Variants in CNTN5 observed in about 807,000 individuals in gnomAD.
CNTN5 encodes the protein contactin-5.
In CNTN5, 77 loss-of-function variants were observed where a neutral mutation model predicts 129.1. The ratio of observed to expected loss-of-function variants is 0.60; its 90% CI spans 0.50 to 0.72. The LOEUF (loss-of-function observed/expected upper bound fraction) is 0.72. CNTN5 is among the 30% of genes least tolerant of loss of function. The probability of loss-of-function intolerance (pLI) is 0.00; values close to 1 mark genes in which losing one functional copy is unlikely to be tolerated. For synonymous variants in CNTN5, 509 were observed against 465.6 expected, an observed-to-expected ratio of 1.09 and a Z score of -1.20; for missense variants, 1,478 against 1,328.8, an observed-to-expected ratio of 1.11 and a Z score of -1.75.
chr11:100,061,487 T>TA (rs1445878476), intron 10 of CNTN5, 94 bp downstream of exon 10: 1 of 903,118 alleles, frequency 1.1e-6, no homozygotes, highest in East Asian at 2.7e-5. Context: ...GTTAGGTACA[T>TA]AAAAACCAAG....
At chr11:100,071,610 T>G in intron 11 of CNTN5, 95 bp from the exon 12 acceptor site, 1 of 887,046 alleles carries the variant, frequency 1.1e-6, no homozygotes, top group Non-Finnish European at 1.6e-6. Context: ...CTGTATTAAT[T>G]GCAAACTTGT....
intron 3 of CNTN5, among the ~76,000 whole-genome samples, chr11:99,707,771 G>A (rs1427049391): frequency 1.3e-5 from 2 of 151,578 alleles, no homozygotes; most frequent in Non-Finnish European, 1.5e-5. Context: ...TTGTTAAAAT[G>A]TTTAGCCTTC....
intron 1 of CNTN5, among the ~76,000 whole-genome samples, chr11:99,098,105 T>C (rs1412775101): frequency 6.6e-6 from 1 of 152,106 alleles, no homozygotes; most frequent in Non-Finnish European, 1.5e-5. Context: ...AGAGGTTTCC[T>C]TCTCTAAATA....
chr11:100,042,185 A>G (rs1273484642), intron 9 of CNTN5, among the ~76,000 whole-genome samples: 2 of 151,822 alleles, frequency 1.3e-5, no homozygotes, highest in South Asian at 4.1e-4. Flanking sequence ...TTATGTAGAT[A>G]GTAGCAATCA....
chr11:99,440,906 T>A (rs1415609495), intron 2 of CNTN5, among the ~76,000 whole-genome samples: 2 of 152,292 alleles, frequency 1.3e-5, no homozygotes, highest in East Asian at 3.9e-4. Context: ...CTAATTACGG[T>A]GAACTGATTG....
At chr11:100,259,836 G>T (rs966017276) in intron 17 of CNTN5, among the ~76,000 whole-genome samples, 1 of 151,916 alleles carries the variant, frequency 6.6e-6, no homozygotes, top group South Asian at 2.1e-4. Context: ...GCCCACCGGA[G>T]AAAGCGGGAA....
At chr11:100,124,468 A>C (rs1161730354) in intron 13 of CNTN5, among the ~76,000 whole-genome samples, 1 of 152,032 alleles carries the variant, frequency 6.6e-6, no homozygotes, top group Non-Finnish European at 1.5e-5. Context: ...CATGCAAGGA[A>C]AAAGCTATAA....
rs976507045 is a variant in CNTN5, at chr11:99,224,141, T to C, written c.-209-101205T>C. 6.1e-5 allele frequency among the ~76,000 whole-genome samples: 9 copies of C among 148,106 alleles called. 1 individual carries two copies. Among genetic ancestry groups the C allele is most frequent in the African/African-American group, 2.4e-4 (9 of 37,598 alleles). ...CCCGATAGAAGGACTGCAGATAATG[T>C]AATAGAAATGTGAAATATTTTACAT... On this transcript the variant is annotated intron_variant, in intron 1 of 24. Transcript: ENST00000524871.
At chr11:100,355,069 T>C (rs1447041079) in intron 24 of CNTN5, among the ~76,000 whole-genome samples, 1 of 151,764 alleles carries the variant, frequency 6.6e-6, no homozygotes, top group African/African-American at 2.4e-5. Flanking sequence ...AAACTTAGCT[T>C]ACTGTAACTG....
chr11:99,869,618 C>T (rs974345960), intron 6 of CNTN5, among the ~76,000 whole-genome samples: 88 of 152,180 alleles, frequency 5.8e-4, no homozygotes, highest in African/African-American at 1.9e-3. Context: ...CAGAAACATA[C>T]TCATTTCTTC....
At chr11:99,924,344 T>G (rs1275464714) in intron 7 of CNTN5, among the ~76,000 whole-genome samples, 2 of 152,156 alleles carry the variant, frequency 1.3e-5, no homozygotes, top group African/African-American at 4.8e-5. Context: ...GAGTGTTTCT[T>G]AGGTTTTCTT....
At chr11:99,588,789 A>G (rs1007738406) in intron 3 of CNTN5, among the ~76,000 whole-genome samples, 5 of 152,196 alleles carry the variant, frequency 3.3e-5, no homozygotes, top group Admixed American at 6.5e-5. Flanking sequence ...ACAGTGAAGC[A>G]GGTCTCACCA....
rs572175043 is a variant in CNTN5, at chr11:99,774,906, T to C, written c.56-44638T>C. ...TCAAAAAACCAGTAACCCAAGTATC[T>C]ATTTCTTAGTGATTTGGCTGCATTT... On this transcript the variant is annotated intron_variant, in intron 3 of 24. Coordinates refer to ENST00000524871, the MANE Select transcript of CNTN5 (RefSeq NM_014361.4). 8.9e-4 allele frequency among the ~76,000 whole-genome samples: 136 copies of C among 152,212 alleles called. 1 individual carries two copies. Among genetic ancestry groups the C allele is most frequent in the Non-Finnish European group, 1.4e-3 (96 of 67,986 alleles).
In CNTN5 at chr11:100,244,475, G is replaced by A. The variant is rs190814892; in HGVS notation, c.2006-11285G>A. On this transcript the variant is annotated intron_variant, in intron 16 of 24. Transcript: ENST00000524871. ...ACCTATGTTTCATGGTAGCTACTCA[G>A]CCTTCATCTTTCAAAACCTTCAAGT... is the stretch of plus-strand genomic sequence containing the variant. Among the ~76,000 whole-genome samples, 4 of 152,234 alleles carry A rather than the reference G, an allele frequency of 2.6e-5. 1 individual carries two copies.
intron 13 of CNTN5, among the ~76,000 whole-genome samples, chr11:100,130,762 G>T (rs1946347951): frequency 6.6e-6 from 1 of 152,132 alleles, no homozygotes; most frequent in African/African-American, 2.4e-5. Flanking sequence ...GAAGGGCTGA[G>T]GAAAGGCTAT....
intron 13 of CNTN5, among the ~76,000 whole-genome samples, chr11:100,097,775 T>C (rs1280200167): frequency 6.6e-6 from 1 of 152,118 alleles, no homozygotes; most frequent in African/African-American, 2.4e-5. Context: ...GAGAGATTCA[T>C]GCATTGTCAC....
chr11:99,885,418 C>T (rs71474543), intron 6 of CNTN5, among the ~76,000 whole-genome samples: 2,215 of 152,198 alleles, frequency 0.015, 23 homozygotes, highest in Middle Eastern at 0.065. Context: ...GTGATAAAGT[C>T]CTCAAAGTGA....
chr11:99,406,218 A>G (rs1203768205), intron 2 of CNTN5, among the ~76,000 whole-genome samples: 2 of 151,934 alleles, frequency 1.3e-5, no homozygotes, highest in Non-Finnish European at 2.9e-5. Context: ...ATATTCAAAA[A>G]GGCTTGGGAA....
At chr11:99,115,826 G>C (rs539911483) in intron 1 of CNTN5, among the ~76,000 whole-genome samples, 89 of 152,230 alleles carry the variant, frequency 5.8e-4, no homozygotes, top group African/African-American at 2.1e-3. Context: ...GCAAGGTAAA[G>C]AGTGAGAAGC....
Sources: allele counts gnomAD v4.1 joint callset (sites outside exome capture counted in the v4.1 genomes callset), GRCh38; gene constraint gnomAD v4.1.1; transcripts MANE v1.5; gene names NCBI Gene and HGNC (gene_info 2026-07-23, HGNC 2026-07-21).